Variants in ZSWIM6 observed in about 807,000 individuals in gnomAD.
The protein encoded by ZSWIM6 is zinc finger SWIM domain-containing protein 6.
Under a neutral mutation model 113.2 loss-of-function variants are expected in ZSWIM6, and 9 were observed. The ratio of observed to expected loss-of-function variants is 0.08; its 90% confidence interval spans 0.05 to 0.14. ZSWIM6 has a LOEUF of 0.14. Ranked by LOEUF, ZSWIM6 falls within the 10% of genes least tolerant of loss-of-function variation. The pLI, the probability that ZSWIM6 is intolerant of heterozygous loss-of-function variation, is 1.00. For synonymous variants in ZSWIM6, 611 were observed against 606.5 expected (o/e 1.01, Z -0.11); for missense variants, 1,162 against 1,552.2 (o/e 0.75, Z 4.22).
intron 1 of ZSWIM6, among the ~76,000 whole-genome samples, chr5:61,353,007 C>T (rs1744824134): frequency 6.6e-6 from 1 of 152,114 alleles, no homozygotes; most frequent in African/African-American, 2.4e-5. Context: ...GCAAGTCTGC[C>T]TGAACTTTTT....
In ZSWIM6 at chr5:61,472,777, C is replaced by T; in HGVS notation, c.773C>T (p.Thr258Ile). The part of the protein sequence containing the change: ...VAISFDRCKI[T>I]SVTCSCGNKD... ...ATCAGCTTTGATCGTTGCAAGATTA[C>T]CTCAGTGACCTGCAGCTGTGGAAAC... Residue 258 changes from threonine (T) to isoleucine (I), a missense_variant, in exon 2 of 14, where the codon ACC becomes ATC. Around this residue, in one of 4 missense-constraint regions of ZSWIM6, gnomAD observed 96 missense variants for 240.3 expected, o/e 0.40. Transcript: ENST00000252744. The surrounding 1 kb of genome is among the most constrained non-coding windows in gnomAD (Gnocchi z 4.1). 6.4e-7 allele frequency: 1 copy of T among 1,551,750 alleles called. No individual in the cohort carries two copies. Among genetic ancestry groups the T allele is most frequent in the Non-Finnish European group, 8.7e-7 (1 of 1,147,016 alleles).
intron 1 of ZSWIM6, among the ~76,000 whole-genome samples, chr5:61,361,211 T>G (rs757126996): frequency 1.3e-5 from 2 of 152,164 alleles, no homozygotes; most frequent in Non-Finnish European, 2.9e-5. Flanking sequence ...TGCTTCCTTT[T>G]AATTATCCTG....
intron 11 of ZSWIM6, among the ~76,000 whole-genome samples, chr5:61,539,366 A>T (rs1230019572): frequency 6.6e-6 from 1 of 152,184 alleles, no homozygotes; most frequent in Non-Finnish European, 1.5e-5. Context: ...GTCTCAGTGT[A>T]TCTTTTTTTG....
At chr5:61,449,157 C>T (rs979576051) in intron 1 of ZSWIM6, among the ~76,000 whole-genome samples, 1 of 152,174 alleles carries the variant, frequency 6.6e-6, no homozygotes, top group African/African-American at 2.4e-5. Flanking sequence ...TAGAAAGTAC[C>T]TACACCAGTA....
intron 4 of ZSWIM6, among the ~76,000 whole-genome samples, chr5:61,501,808 T>A (rs764272670): frequency 6.6e-6 from 1 of 152,224 alleles, no homozygotes. Flanking sequence ...ATTAGTCCAT[T>A]GGTAGTAGAT....
intron 4 of ZSWIM6, among the ~76,000 whole-genome samples, chr5:61,498,408 A>G (rs1164287183): frequency 1.3e-5 from 2 of 152,204 alleles, no homozygotes; most frequent in Non-Finnish European, 2.9e-5. Flanking sequence ...CATGTCTCAG[A>G]GTTCTTTTCA....
chr5:61,359,259 G>A (rs1206814567), intron 1 of ZSWIM6, among the ~76,000 whole-genome samples: 5 of 152,036 alleles, frequency 3.3e-5, no homozygotes, highest in Admixed American at 6.6e-5. Flanking sequence ...CAAGATTTGA[G>A]GATGCAAATA....
intron 9 of ZSWIM6, among the ~76,000 whole-genome samples, chr5:61,532,296 G>A (rs189970065): frequency 1.3e-5 from 2 of 152,226 alleles, no homozygotes; most frequent in East Asian, 3.9e-4. Context: ...TCTGAGGCAC[G>A]GTCTAATTTC....
At chr5:61,454,392 AC>A (rs1348078221) in intron 1 of ZSWIM6, among the ~76,000 whole-genome samples, 1 of 151,830 alleles carries the variant, frequency 6.6e-6, no homozygotes, top group African/African-American at 2.4e-5. Flanking sequence ...AGTAGCTGGG[AC>A]CACTGGCACA....
intron 1 of ZSWIM6, among the ~76,000 whole-genome samples, chr5:61,351,726 A>G (rs1282880784): frequency 6.6e-6 from 1 of 152,176 alleles, no homozygotes; most frequent in South Asian, 2.1e-4. Context: ...TAATATTTTC[A>G]GTGAAGTTTA....
chr5:61,358,805 A>G (rs1416874826), intron 1 of ZSWIM6, among the ~76,000 whole-genome samples: 2 of 152,226 alleles, frequency 1.3e-5, no homozygotes, highest in Non-Finnish European at 2.9e-5. Flanking sequence ...GCTATAGAGC[A>G]GTGCTTCCCA....
chr5:61,537,208 A>G (rs1445496597), intron 10 of ZSWIM6, among the ~76,000 whole-genome samples: 4 of 152,228 alleles, frequency 2.6e-5, no homozygotes, highest in Non-Finnish European at 5.9e-5. Flanking sequence ...TAACACTCAC[A>G]AACTCATTTA....
intron 1 of ZSWIM6, among the ~76,000 whole-genome samples, chr5:61,407,650 G>A (rs1333791825): frequency 6.6e-6 from 1 of 151,960 alleles, no homozygotes; most frequent in Non-Finnish European, 1.5e-5. Context: ...AGAAAATGAT[G>A]AACAAATAGA....
intron 1 of ZSWIM6, among the ~76,000 whole-genome samples, chr5:61,349,853 T>C (rs530338481): frequency 6.6e-6 from 1 of 152,320 alleles, no homozygotes; most frequent in East Asian, 1.9e-4. Flanking sequence ...TTAAAAGAAA[T>C]TGGTATAACT....
chr5:61,371,904 T>G (rs1248801276), intron 1 of ZSWIM6, among the ~76,000 whole-genome samples: 2 of 152,224 alleles, frequency 1.3e-5, no homozygotes, highest in Non-Finnish European at 2.9e-5. Context: ...ATTTACAGAT[T>G]GGACATTAAG....
rs1749429784 is a variant in ZSWIM6, at chr5:61,531,479, TGCAAGTCTCTGGAATACCAGC to T, written c.2000_2020del (p.Cys667_His674delinsTyr). 24 of 1,551,512 alleles carry T rather than the reference TGCAAGTCTCTGGAATACCAGC, an allele frequency of 1.5e-5. No individual in the cohort carries two copies. Among genetic ancestry groups the T allele is most frequent in the Non-Finnish European group, 2.1e-5 (24 of 1,146,812 alleles). ...GCATTTTGCAGAGAATATGGGACAG[TGCAAGTCTCTGGAATACCAGC>T]ATCTACCTGCACACAAATTCTTAGA... On this transcript the variant is annotated inframe_deletion, in exon 9 of 14. Coordinates refer to ENST00000252744, the MANE Select transcript of ZSWIM6 (RefSeq NM_020928.2).
chr5:61,491,978 C>CT (rs969860456), intron 3 of ZSWIM6, among the ~76,000 whole-genome samples: 2 of 152,014 alleles, frequency 1.3e-5, no homozygotes, highest in Non-Finnish European at 2.9e-5. Flanking sequence ...ACATTTAACT[C>CT]TAATACTACT....
chr5:61,457,224 T>G (rs996579026), intron 1 of ZSWIM6, among the ~76,000 whole-genome samples: 1 of 152,210 alleles, frequency 6.6e-6, no homozygotes, highest in Non-Finnish European at 1.5e-5. Context: ...CATTTTAACC[T>G]CAAGTAGCAG....
chr5:61,533,427 C>G (rs1183932628), intron 9 of ZSWIM6, among the ~76,000 whole-genome samples: 2 of 152,222 alleles, frequency 1.3e-5, no homozygotes, highest in Non-Finnish European at 2.9e-5. Flanking sequence ...GTATTAATCC[C>G]TCCTGGCCAC....
Sources: allele counts gnomAD v4.1 joint callset (sites outside exome capture counted in the v4.1 genomes callset), GRCh38; gene constraint gnomAD v4.1.1; regional missense constraint gnomAD v4.1.1; non-coding constraint Gnocchi (gnomAD v3.1); transcripts MANE v1.5; gene names NCBI Gene and HGNC (gene_info 2026-07-23, HGNC 2026-07-21).